The following KRT27 variants were observed in gnomAD, a reference collection of about 807,000 sequenced individuals.
The protein encoded by KRT27 is keratin, type I cytoskeletal 27.
A neutral mutation model predicts 45.3 loss-of-function variants in KRT27; 30 were observed. The observed-to-expected ratio is 0.66, with a 90% CI of 0.50 to 0.90. KRT27 has a LOEUF of 0.90. Ranked by LOEUF, KRT27 falls within the 40% of genes least tolerant of loss-of-function variation. The pLI, the probability that KRT27 is intolerant of heterozygous loss-of-function variation, is 0.00. For missense variants in KRT27, 610 were observed against 564.3 expected (o/e 1.08, Z -0.82); for synonymous variants, 204 against 223.9 (o/e 0.91, Z 0.79).
At position 40,779,634 on chromosome 17, in the gene KRT27, C is replaced by T. The variant is rs374988781; in HGVS notation, c.847-7G>A. 2.4e-4 allele frequency: 382 copies of T among 1,613,910 alleles called. No homozygotes were observed. Among genetic ancestry groups the T allele is most frequent in the Non-Finnish European group, 2.9e-4 (348 of 1,179,950 alleles). On this transcript the variant is annotated splice_region_variant and splice_polypyrimidine_tract_variant and intron_variant, in intron 4 of 7. Transcript: ENST00000301656. The stretch of plus-strand genomic sequence containing the variant: ...GCTGCTGCAGCGAGGCGCTCTGGAA[C>T]GGCAGGGGCCGCGTTAGGGCGCTGG...
At position 40,777,088 on chromosome 17, in the gene KRT27, G is replaced by A. The variant is rs755968602; in HGVS notation, c.1291C>T (p.Arg431Cys). 63 of 1,613,892 alleles carry A rather than the reference G, an allele frequency of 3.9e-5. No homozygotes were observed. The highest frequency in any genetic ancestry group is 4.7e-5 in the Non-Finnish European group (56 of 1,179,912). ...VKTVVEEIDP[R>C]GKVLSSRVHT... The stretch of plus-strand genomic sequence containing the variant: ...ACTCTGGATGAGAGAACTTTGCCAC[G>A]AGGATCTATCTCTTCAACAACTGTT... Residue 431 changes from arginine (R) to cysteine (C), a missense_variant, in exon 8 of 8, where the codon CGT (arginine) becomes TGT (cysteine). By Grantham distance (180) the Arg-to-Cys change is radical (BLOSUM62 -3). Coordinates refer to ENST00000301656, the MANE Select transcript of KRT27 (RefSeq NM_181537.4).
chr17:40,779,879 A>T lies in KRT27; in HGVS notation c.685-18T>A, dbSNP rs1056665829. ...TTCATTTCCTGAAAGATATTTGTTT[A>T]ACGGAATTAGGATCTGAATATTTTA... On this transcript the variant is annotated intron_variant, in intron 3 of 7. Coordinates refer to ENST00000301656, the MANE Select transcript of KRT27 (RefSeq NM_181537.4). 16 of 1,599,404 alleles carry T rather than the reference A, an allele frequency of 1.0e-5. No homozygotes were observed. The highest frequency in any genetic ancestry group is 1.3e-5 in the Non-Finnish European group (15 of 1,174,826).
Position 40,779,716 on chromosome 17 carries a change from G to C in KRT27, c.830C>G (p.Ala277Gly), listed in dbSNP as rs2038294026. The C allele has an allele frequency of 1.2e-6, 2 of 1,613,938 alleles. No individual in the cohort carries two copies. Among genetic ancestry groups the C allele is most frequent in the Non-Finnish European group, 1.7e-6 (2 of 1,179,868 alleles). ...TGGTTTTACCTTTTCGTTGAACCAG[G>C]CCTCCGCGTCCCTGCGGTTCTGCTC... is the stretch of plus-strand genomic sequence containing the variant. ...LAEQNRRDAE[A>G]WFNEKSASLQ... The change falls in exon 4 of 8, where the codon GCC becomes GGC. Residue 277 changes from alanine to glycine, a missense_variant. Ala to Gly is a moderately conservative substitution (Grantham distance 60). Transcript: ENST00000301656.
chr17:40,777,105 A>G lies in KRT27; in HGVS notation c.1274T>C (p.Val425Ala), dbSNP rs778137188. The G allele has an allele frequency of 1.9e-6, 3 of 1,614,034 alleles. No individual in the cohort carries two copies. The highest frequency in any genetic ancestry group is 1.1e-5 in the South Asian group (1 of 91,070). The change falls in exon 8 of 8, where the codon GTT (valine) becomes GCT (alanine). Residue 425 changes from valine to alanine, a missense_variant. Physicochemically the swap from Val to Ala is moderately conservative, Grantham distance 64. Transcript: ENST00000301656. The stretch of plus-strand genomic sequence containing the variant: ...TTTGCCACGAGGATCTATCTCTTCA[A>G]CAACTGTTTTGACAATGGTGGTTTT... ...SSKTTIVKTV[V>A]EEIDPRGKVL...
rs2038301404 is a variant in KRT27, at chr17:40,780,384, C to T, written c.600G>A (p.Glu200=). Residue 200 remains glutamate, a synonymous_variant, in exon 3 of 8, where the codon GAG becomes GAA. Coordinates refer to ENST00000301656, the MANE Select transcript of KRT27 (RefSeq NM_181537.4). ...CCAGGTCCGTTCTGCACAAGGTCAG[C>T]TCATCCAGGACTCTTCGCAAACCAT... is the stretch of plus-strand genomic sequence containing the variant. ...DINGLRRVLD[E]LTLCRTDLEI... is the part of the protein sequence containing the mutation. 1 of 1,613,746 alleles carries T rather than the reference C, an allele frequency of 6.2e-7. No individual in the cohort carries two copies. Among genetic ancestry groups the T allele is most frequent in the Non-Finnish European group, 8.5e-7 (1 of 1,179,854 alleles).
At chr17:40,781,163 C>T in intron 2 of KRT27, 25 bp downstream of exon 2, 1 of 1,493,080 alleles carries the variant, frequency 6.7e-7, no homozygotes, top group African/African-American at 1.4e-5. Context: ...ACTTTTTTTT[C>T]CCATTTATCT....
In KRT27 at chr17:40,777,057, G is replaced by A. The variant is rs2038271972; in HGVS notation, c.1322C>T (p.Thr441Ile). 1.2e-6 allele frequency: 2 copies of A among 1,613,840 alleles called. No homozygotes were observed. The highest frequency in any genetic ancestry group is 2.2e-5 in the East Asian group (1 of 44,856). The change falls in exon 8 of 8, where the codon ACT becomes ATT. Residue 441 changes from threonine to isoleucine, a missense_variant. Physicochemically the swap from Thr to Ile is moderately conservative, Grantham distance 89. Transcript: ENST00000301656. ...RGKVLSSRVHTVEEKSTKVNN... is the reference protein window; with the variant it reads ...RGKVLSSRVHIVEEKSTKVNN... ...GACTTTGGTGGATTTCTCTTCCACA[G>A]TGTGAACTCTGGATGAGAGAACTTT...
In KRT27 at chr17:40,777,751, T is replaced by C. The variant is rs958051923; in HGVS notation, c.973-19A>G. 2.5e-6 allele frequency: 4 copies of C among 1,612,078 alleles called. No individual in the cohort carries two copies. The highest frequency in any genetic ancestry group is 2.5e-6 in the Non-Finnish European group (3 of 1,178,256). On this transcript the variant is annotated intron_variant, in intron 5 of 7. Coordinates refer to ENST00000301656, the MANE Select transcript of KRT27 (RefSeq NM_181537.4). Reference sequence around the variant, plus strand: ...AGTGTTTCTGTAGTTTGGTAAGACATGGTTTAATAGAAAAGGTCACGGTGT... The same window carrying C: ...AGTGTTTCTGTAGTTTGGTAAGACACGGTTTAATAGAAAAGGTCACGGTGT...
chr17:40,778,635 G>A (rs2038283961), intron 5 of KRT27, among the ~76,000 whole-genome samples: 2 of 151,954 alleles, frequency 1.3e-5, no homozygotes, highest in South Asian at 4.2e-4. Flanking sequence ...GGAAGTGCTG[G>A]GCAAACCCTT....
In KRT27 at chr17:40,778,909, C is replaced by T. The variant is rs74804668; in HGVS notation, c.972+593G>A. Among the ~76,000 whole-genome samples, 1,026 of 151,946 alleles carry T rather than the reference C, an allele frequency of 6.8e-3. 12 individuals are homozygous for T. Among genetic ancestry groups the T allele is most frequent in the African/African-American group, 0.024 (986 of 41,418 alleles). On this transcript the variant is annotated intron_variant, in intron 5 of 7. Coordinates refer to ENST00000301656, the MANE Select transcript of KRT27 (RefSeq NM_181537.4). ...GGTTCCATAATTATATTTCAAAACA[C>T]ACAATGTGTAGTGATAGAATCAGGG...
In KRT27 at chr17:40,777,741, T is replaced by C. The variant is rs2038278041; in HGVS notation, c.973-9A>G. 1.2e-6 allele frequency: 2 copies of C among 1,613,388 alleles called. No individual in the cohort carries two copies. The highest frequency in any genetic ancestry group is 1.7e-6 in the Non-Finnish European group (2 of 1,179,370). On this transcript the variant is annotated splice_polypyrimidine_tract_variant and intron_variant, in intron 5 of 7. Coordinates refer to ENST00000301656, the MANE Select transcript of KRT27 (RefSeq NM_181537.4). The stretch of plus-strand genomic sequence containing the variant: ...CACTCCAGGGAGTGTTTCTGTAGTT[T>C]GGTAAGACATGGTTTAATAGAAAAG...
chr17:40,781,039 G>T, intron 2 of KRT27, 149 bp downstream of exon 2: 1 of 504,602 alleles, frequency 2.0e-6, no homozygotes, highest in Non-Finnish European at 3.5e-6. Context: ...TGCTCAGCTA[G>T]TTACTCATTC....
intron 6 of KRT27, 59 bp from the exon 7 acceptor site, chr17:40,777,361 T>C (rs2038274819): frequency 5.7e-6 from 9 of 1,570,530 alleles, no homozygotes; most frequent in Non-Finnish European, 7.8e-6. Context: ...AACTGAAAAA[T>C]AATGATTTAA....
At position 40,782,504 on chromosome 17, in the gene KRT27, G is replaced by A. The variant is rs376921564; in HGVS notation, c.-11C>T. 4.6e-6 allele frequency: 7 copies of A among 1,524,726 alleles called. No individual in the cohort carries two copies. Among genetic ancestry groups the A allele is most frequent in the Non-Finnish European group, 5.3e-6 (6 of 1,135,802 alleles). 94.4% of individuals were successfully genotyped at this position (1,524,726 alleles called of 1,614,324 possible). On this transcript the variant is annotated 5_prime_UTR_variant, in exon 1 of 8. Coordinates refer to ENST00000301656, the MANE Select transcript of KRT27 (RefSeq NM_181537.4). ...AAAGCGCACAGACATGGTGTCCGGAGGCTGGAGCCTTTGTTTCTGCGGTGA... is the reference window on the plus strand; with the variant it reads ...AAAGCGCACAGACATGGTGTCCGGAAGCTGGAGCCTTTGTTTCTGCGGTGA...
Position 40,777,570 on chromosome 17 carries a change from C to G in KRT27, c.1135G>C (p.Val379Leu), listed in dbSNP as rs567062042. The change falls in exon 6 of 8, where the codon GTC becomes CTC. Residue 379 changes from valine to leucine, a missense_variant. Transcript: ENST00000301656. ...GTCTCAATTTCTTTTTCCAGGTGGA[C>G]CTTGATGTCAAGGAGCTGCTCATAC... is the stretch of plus-strand genomic sequence containing the variant. ...LEYEQLLDIK[V>L]HLEKEIETYC... The G allele has an allele frequency of 1.2e-6, 2 of 1,613,986 alleles. No homozygotes were observed. The highest frequency in any genetic ancestry group is 1.3e-5 in the African/African-American group (1 of 75,044).
At chr17:40,778,912 A>G (rs971590446) in intron 5 of KRT27, among the ~76,000 whole-genome samples, 10 of 152,092 alleles carry the variant, frequency 6.6e-5, no homozygotes, top group African/African-American at 2.4e-4. Flanking sequence ...CAAAACACAC[A>G]ATGTGTAGTG....
rs1471105786 is a variant in KRT27, at chr17:40,779,753, C to T, written c.793G>A (p.Glu265Lys). ...VLLNNMRAEY[E>K]ALAEQNRRDA... is the part of the protein sequence containing the mutation. ...CTGCGGTTCTGCTCTGCGAGGGCTT[C>T]GTACTCAGCTCGCATATTGTTCAGC... Residue 265 changes from glutamate to lysine, a missense_variant, in exon 4 of 8, where the codon GAA (glutamate) becomes AAA (lysine). Physicochemically the swap from Glu to Lys is moderately conservative, Grantham distance 56. Transcript: ENST00000301656. The T allele has an allele frequency of 1.2e-6, 2 of 1,614,262 alleles. No individual in the cohort carries two copies. Among genetic ancestry groups the T allele is most frequent in the Non-Finnish European group, 8.5e-7 (1 of 1,180,052 alleles).
intron 1 of KRT27, 135 bp downstream of exon 1, chr17:40,781,915 A>G (rs2038314798): frequency 1.5e-6 from 1 of 652,924 alleles, no homozygotes; most frequent in African/African-American, 1.8e-5. Context: ...AATTATTTTT[A>G]ATATTGAAAA....
intron 5 of KRT27, chr17:40,778,047 T>C (rs1314240766): frequency 1.1e-5 from 3 of 284,242 alleles, no homozygotes; most frequent in African/African-American, 6.5e-5. Context: ...TTGTAGAGTG[T>C]GGCACAATTT....
Sources: allele counts gnomAD v4.1 joint callset (sites outside exome capture counted in the v4.1 genomes callset), GRCh38; gene constraint gnomAD v4.1.1; transcripts MANE v1.5; gene names NCBI Gene and HGNC (gene_info 2026-07-23, HGNC 2026-07-21).